Variants in PPP1R1C observed in about 807,000 individuals in gnomAD.
The protein encoded by PPP1R1C is protein phosphatase 1 regulatory subunit 1C.
A neutral mutation model predicts 17.4 loss-of-function variants in PPP1R1C; 15 were observed. The observed-to-expected ratio is 0.86, with a 90% CI of 0.58 to 1.33. The LOEUF (loss-of-function observed/expected upper bound fraction) is 1.33, where lower values mean the gene tolerates loss of function less well. Among genes scored for constraint, PPP1R1C ranks in the 40% most tolerant of loss-of-function variants. The pLI is 0.00. For synonymous variants in PPP1R1C, 35 were observed against 43.1 expected (o/e 0.81, Z 0.73); for missense variants, 143 against 130.0 (o/e 1.10, Z -0.48).
intron 4 of PPP1R1C, among the ~76,000 whole-genome samples, chr2:182,101,327 A>T (rs1689092310): frequency 6.6e-6 from 1 of 152,226 alleles, no homozygotes; most frequent in African/African-American, 2.4e-5. Flanking sequence ...GTCAGTTTAT[A>T]GGAGCAGAAT....
intron 2 of PPP1R1C, among the ~76,000 whole-genome samples, chr2:182,053,987 C>G (rs954698586): frequency 6.6e-6 from 1 of 152,032 alleles, no homozygotes; most frequent in South Asian, 2.1e-4. Flanking sequence ...GGATTACAGG[C>G]GTGAGCCACC....
At chr2:181,995,052 T>G (rs1038028206) in intron 2 of PPP1R1C, among the ~76,000 whole-genome samples, 1 of 152,192 alleles carries the variant, frequency 6.6e-6, no homozygotes, top group African/African-American at 2.4e-5. Flanking sequence ...GTTACTCTTC[T>G]AGGGGATAAA....
chr2:182,100,397 C>A (rs963199880), intron 4 of PPP1R1C, among the ~76,000 whole-genome samples: 1 of 151,802 alleles, frequency 6.6e-6, no homozygotes, highest in Non-Finnish European at 1.5e-5. Context: ...GTAGTCCCAG[C>A]TACTCGGGAG....
downstream of PPP1R1C, among the ~76,000 whole-genome samples, chr2:182,121,603 T>C (rs1266197502): frequency 6.6e-6 from 1 of 152,162 alleles, no homozygotes; most frequent in African/African-American, 2.4e-5. Context: ...TTCCCCTGCC[T>C]CAGCCTCCCA....
intron 2 of PPP1R1C, among the ~76,000 whole-genome samples, chr2:182,028,474 G>T (rs2125168746): frequency 6.6e-6 from 1 of 152,274 alleles, no homozygotes; most frequent in East Asian, 1.9e-4. Flanking sequence ...TATGTATCCA[G>T]TAGTCATTCA....
chr2:181,977,315 T>G (rs1278508787), intron 2 of PPP1R1C, among the ~76,000 whole-genome samples: 1 of 152,088 alleles, frequency 6.6e-6, no homozygotes, highest in Non-Finnish European at 1.5e-5. Flanking sequence ...CTAAAGAAAC[T>G]CTCTTCAATC....
In PPP1R1C at chr2:181,961,381, A is replaced by G. The variant is rs1559038316; in HGVS notation, n.111+6747A>G. On this transcript the variant is annotated intron_variant and non_coding_transcript_variant, in intron 1 of 5. Coordinates refer to the PPP1R1C transcript ENST00000464264. The surrounding 1 kb of genome is among the most constrained non-coding windows in gnomAD (Gnocchi z 5.8). Reference sequence around the variant, plus strand: ...AGCCTCCAGCTTGACCTTGATGTTCAGCAGAGCCTCGTACTCCCCGATCTG... The same window carrying G: ...AGCCTCCAGCTTGACCTTGATGTTCGGCAGAGCCTCGTACTCCCCGATCTG... 2.8e-6 allele frequency: 2 copies of G among 717,376 alleles called. No individual in the cohort carries two copies. The highest frequency in any genetic ancestry group is 5.0e-6 in the Non-Finnish European group (2 of 396,854). 44.4% of individuals were successfully genotyped at this position (717,376 alleles called of 1,614,324 possible).
intron 4 of PPP1R1C, 119 bp from the exon 5 acceptor site, chr2:182,117,088 G>T (rs1689606112): frequency 6.8e-6 from 5 of 734,964 alleles, no homozygotes; most frequent in Non-Finnish European, 1.2e-5. Context: ...GATTCTTGGA[G>T]AAAAACATAT....
chr2:181,982,749 G>A (rs1685216381), upstream of PPP1R1C, among the ~76,000 whole-genome samples: 1 of 152,178 alleles, frequency 6.6e-6, no homozygotes, highest in African/African-American at 2.4e-5. Context: ...CAGCCTGTAG[G>A]AGGGTCTTGA....
upstream of PPP1R1C, among the ~76,000 whole-genome samples, chr2:181,980,960 G>T (rs1000858987): frequency 1.4e-5 from 2 of 139,858 alleles, no homozygotes; most frequent in East Asian, 2.1e-4. Flanking sequence ...ACGGAGTCTC[G>T]CTCTGTCGCC....
At chr2:182,110,505 CTG>C (rs1330723287) in intron 4 of PPP1R1C, among the ~76,000 whole-genome samples, 1 of 152,052 alleles carries the variant, frequency 6.6e-6, no homozygotes, top group Non-Finnish European at 1.5e-5. Context: ...AATTATGTGA[CTG>C]GGGCATACAC....
chr2:182,096,633 T>C (rs1688946492), intron 4 of PPP1R1C, among the ~76,000 whole-genome samples: 1 of 152,174 alleles, frequency 6.6e-6, no homozygotes, highest in Non-Finnish European at 1.5e-5. Context: ...AAGCAGCTTT[T>C]AGCCTTTATA....
intron 2 of PPP1R1C, among the ~76,000 whole-genome samples, chr2:182,036,703 T>TTG (rs948003275): frequency 1.5e-3 from 222 of 151,026 alleles, no homozygotes; most frequent in Admixed American, 3.0e-3. Context: ...CTCTATGTGT[T>TTG]TGTGTGTGTG....
intron 2 of PPP1R1C, among the ~76,000 whole-genome samples, chr2:182,019,892 G>A (rs1201833948): frequency 1.3e-5 from 2 of 152,200 alleles, no homozygotes; most frequent in Non-Finnish European, 2.9e-5. Context: ...CTAATTTGAT[G>A]AAGTGTTCTT....
At chr2:182,075,790 G>A (rs767161740) in intron 4 of PPP1R1C, among the ~76,000 whole-genome samples, 2 of 152,176 alleles carry the variant, frequency 1.3e-5, no homozygotes, top group Non-Finnish European at 2.9e-5. Flanking sequence ...TGAAGTCTGA[G>A]CATCTCACTT....
intron 2 of PPP1R1C, among the ~76,000 whole-genome samples, chr2:182,060,541 C>A (rs1278136397): frequency 3.3e-5 from 5 of 152,092 alleles, no homozygotes; most frequent in Admixed American, 3.3e-4. Context: ...ATATATATAT[C>A]ACTTTATCTA....
chr2:182,063,612 C>A (rs1025070899), intron 3 of PPP1R1C, 119 bp from the exon 4 acceptor site: 8 of 772,934 alleles, frequency 1.0e-5, no homozygotes, highest in Non-Finnish European at 1.8e-5. Context: ...TATTTCATGA[C>A]AGGGAGAAAT....
At chr2:181,990,465 A>G (rs185694763) in intron 2 of PPP1R1C, among the ~76,000 whole-genome samples, 112 of 152,156 alleles carry the variant, frequency 7.4e-4, no homozygotes, top group Non-Finnish European at 1.2e-3. Flanking sequence ...TTTCTCATCT[A>G]TAAAATAGGG....
In PPP1R1C at chr2:181,969,028, G is replaced by C. The variant is rs9752497; in HGVS notation, n.112-6191G>C. Among the ~76,000 whole-genome samples, 624 of 152,030 alleles carry C rather than the reference G, an allele frequency of 4.1e-3. 7 individuals carry two copies. Among genetic ancestry groups the C allele is most frequent in the African/African-American group, 0.014 (583 of 41,496 alleles). ...ATATCCCCCTGCTTTTTAACTTTCT[G>C]TTATTTCTATTTGTGTCTTATTGTA... On this transcript the variant is annotated intron_variant and non_coding_transcript_variant, in intron 1 of 5. Coordinates refer to the PPP1R1C transcript ENST00000464264.
Sources: allele counts gnomAD v4.1 joint callset (sites outside exome capture counted in the v4.1 genomes callset), GRCh38; gene constraint gnomAD v4.1.1; non-coding constraint Gnocchi (gnomAD v3.1); transcripts MANE v1.5; gene names NCBI Gene and HGNC (gene_info 2026-07-23, HGNC 2026-07-21).